The following CRIM1 variants were observed in gnomAD, a reference collection of about 807,000 sequenced individuals.
The protein encoded by CRIM1 is cysteine rich transmembrane BMP regulator 1.
In CRIM1, 32 loss-of-function variants were observed where a neutral mutation model predicts 116.4. That is an observed-to-expected ratio of 0.27 (90% CI 0.21 to 0.37). The LOEUF (loss-of-function observed/expected upper bound fraction) is 0.37, where lower values mean the gene tolerates loss of function less well. Ranked by LOEUF, CRIM1 falls within the 10% of genes least tolerant of loss-of-function variation. The pLI is 1.00. For synonymous variants in CRIM1, 590 were observed against 509.2 expected (o/e 1.16, Z -2.13); for missense variants, 1,331 against 1,354.8 (o/e 0.98, Z 0.28).
intron 1 of CRIM1, among the ~76,000 whole-genome samples, chr2:36,358,950 T>C (rs1035023005): frequency 4.6e-5 from 7 of 152,154 alleles, no homozygotes; most frequent in Non-Finnish European, 8.8e-5. Context: ...GGATAAGTGA[T>C]ACCCCAACCG....
chr2:36,517,574 T>A (rs916514225), intron 12 of CRIM1, 32 bp downstream of exon 12: 2 of 1,590,008 alleles, frequency 1.3e-6, no homozygotes, highest in African/African-American at 2.7e-5. Flanking sequence ...GGGTGCTTGG[T>A]GGGGAAGGAT....
At chr2:36,426,671 A>C (rs183307251) in intron 2 of CRIM1, among the ~76,000 whole-genome samples, 1 of 152,174 alleles carries the variant, frequency 6.6e-6, no homozygotes, top group Non-Finnish European at 1.5e-5. Flanking sequence ...AGAAATTCAC[A>C]TTGAGCCAGT....
At chr2:36,400,360 G>GC (rs985779500) in intron 2 of CRIM1, among the ~76,000 whole-genome samples, 1 of 151,938 alleles carries the variant, frequency 6.6e-6, no homozygotes, top group African/African-American at 2.4e-5. Context: ...AACATCACTG[G>GC]GGGTGGGAGG....
At chr2:36,477,182 CT>C in intron 6 of CRIM1, 111 bp downstream of exon 6, 2 of 821,616 alleles carry the variant, frequency 2.4e-6, no homozygotes, top group Non-Finnish European at 3.7e-6. Context: ...ATTGAAGTTC[CT>C]TTTTTAGCCT....
At chr2:36,520,947 T>C (rs998344888) in intron 12 of CRIM1, among the ~76,000 whole-genome samples, 6 of 152,228 alleles carry the variant, frequency 3.9e-5, no homozygotes, top group African/African-American at 9.6e-5. Flanking sequence ...TGTGTATGCA[T>C]TGAGAAAATG....
chr2:36,544,485 C>T lies in CRIM1; in HGVS notation c.2733C>T (p.Val911=), dbSNP rs771904288. ...CCACGCCTAGTGAAAATGATATCGT[C>T]CATCTCCCTAGAGGTAAGCATTGAA... ...LWPTPSENDI[V]HLPRDMGHLQ... Residue 911 remains valine, a synonymous_variant, in exon 15 of 17, where the codon GTC becomes GTT. Transcript: ENST00000280527. 4 of 1,374,860 alleles carry T rather than the reference C, an allele frequency of 2.9e-6. No homozygotes were observed. The highest frequency in any genetic ancestry group is 2.3e-5 in the South Asian group (1 of 43,604). The allele number at this position is 1,374,860 out of a possible 1,614,324, so 85.2% of individuals were successfully genotyped here.
At chr2:36,445,870 C>G (rs1676203492) in intron 4 of CRIM1, among the ~76,000 whole-genome samples, 1 of 151,806 alleles carries the variant, frequency 6.6e-6, no homozygotes, top group Admixed American at 6.6e-5. Context: ...TGAGCCATGT[C>G]AAATGTCCAC....
chr2:36,542,919 G>A (rs1050655596), intron 14 of CRIM1, among the ~76,000 whole-genome samples: 1 of 151,966 alleles, frequency 6.6e-6, no homozygotes, highest in Non-Finnish European at 1.5e-5. Context: ...AAGCTCTTTG[G>A]GTAATTCTGA....
intron 5 of CRIM1, among the ~76,000 whole-genome samples, chr2:36,471,357 C>G (rs1024901113): frequency 7.2e-5 from 11 of 152,126 alleles, no homozygotes; most frequent in African/African-American, 2.7e-4. Context: ...AGAAATCTTT[C>G]ATGAAAGGAA....
At chr2:36,487,243 G>A (rs1373102008) in intron 7 of CRIM1, among the ~76,000 whole-genome samples, 1 of 152,082 alleles carries the variant, frequency 6.6e-6, no homozygotes, top group Non-Finnish European at 1.5e-5. Flanking sequence ...TATAGCACCT[G>A]ATTACACTTT....
At chr2:36,455,194 C>T (rs1210063795) in intron 4 of CRIM1, among the ~76,000 whole-genome samples, 1 of 151,968 alleles carries the variant, frequency 6.6e-6, no homozygotes, top group Non-Finnish European at 1.5e-5. Flanking sequence ...ACTGAGTCAC[C>T]GAAGTAGAGG....
intron 11 of CRIM1, among the ~76,000 whole-genome samples, chr2:36,517,015 T>C (rs925174787): frequency 1.3e-5 from 2 of 152,230 alleles, no homozygotes; most frequent in Admixed American, 6.5e-5. Flanking sequence ...TTCACAGAAA[T>C]GCCAGAAGAG....
rs567101979 is a variant in CRIM1 at position 36,380,938 on chromosome 2, C to T, written c.332-15676C>T. ...TGCAGTTATGGCCTCTTTTTCCTGC[C>T]TCACCCAAAGGGGTCGAGGAGCTTT... On this transcript the variant is annotated intron_variant, in intron 1 of 16. Coordinates refer to ENST00000280527, the MANE Select transcript of CRIM1 (RefSeq NM_016441.3). 2.4e-4 allele frequency among the ~76,000 whole-genome samples: 37 copies of T among 152,232 alleles called. 1 individual carries two copies. The highest frequency in any genetic ancestry group is 6.5e-4 in the Admixed American group (10 of 15,292).
chr2:36,506,133 GCACA>G lies in CRIM1; in HGVS notation c.1502-3828_1502-3825del, dbSNP rs142839402. On this transcript the variant is annotated intron_variant, in intron 8 of 16. Coordinates refer to ENST00000280527, the MANE Select transcript of CRIM1 (RefSeq NM_016441.3). Reference sequence around the variant, plus strand: ...ACAGGACACCATCCCATTGCAGGGTGCACACACACACACACACACACACACTCTC... The same window carrying G: ...ACAGGACACCATCCCATTGCAGGGTGCACACACACACACACACACACTCTC... Among the ~76,000 whole-genome samples the G allele has an allele frequency of 7.8e-4, 106 of 136,498 alleles. 1 individual carries two copies. The South Asian group carries it at 0.011, about 15-fold the overall frequency. The allele number at this position is 136,498 out of a possible 152,430, so 89.5% of individuals were successfully genotyped here.
At chr2:36,531,515 A>G (rs1666119903) in intron 13 of CRIM1, among the ~76,000 whole-genome samples, 1 of 151,964 alleles carries the variant, frequency 6.6e-6, no homozygotes, top group African/African-American at 2.4e-5. Flanking sequence ...ATCTTTGTAG[A>G]GGAAGAAAAT....
At chr2:36,408,932 T>C (rs1346230486) in intron 2 of CRIM1, among the ~76,000 whole-genome samples, 1 of 152,066 alleles carries the variant, frequency 6.6e-6, no homozygotes, top group Non-Finnish European at 1.5e-5. Flanking sequence ...GAATCTCTAT[T>C]AGACACTGTG....
chr2:36,373,426 G>A (rs1670075536), intron 1 of CRIM1, among the ~76,000 whole-genome samples: 1 of 152,182 alleles, frequency 6.6e-6, no homozygotes, highest in South Asian at 2.1e-4. Flanking sequence ...CAGACAGCTG[G>A]CTTAACCTGA....
At chr2:36,378,214 G>C in intron 1 of CRIM1, 1 of 439,542 alleles carries the variant, frequency 2.3e-6, no homozygotes, top group South Asian at 1.7e-5. Context: ...GTAAGTCGCA[G>C]GTGTTCAGTA....
At position 36,393,528 on chromosome 2, in the gene CRIM1, G is replaced by T. The variant is rs147359385; in HGVS notation, c.332-3086G>T. Among the ~76,000 whole-genome samples, 458 of 152,000 alleles carry T rather than the reference G, an allele frequency of 3.0e-3. 1 individual carries two copies. The highest frequency in any genetic ancestry group is 0.01 in the African/African-American group (425 of 41,432). On this transcript the variant is annotated intron_variant, in intron 1 of 16. Transcript: ENST00000280527. ...CATATATATACATGTGTGTATATATGCATATGTGAGGCTTCTTTGTCTACC... is the reference window on the plus strand; with the variant it reads ...CATATATATACATGTGTGTATATATTCATATGTGAGGCTTCTTTGTCTACC...
Sources: gnomAD v4.1 joint callset for allele counts (sites outside exome capture counted in the v4.1 genomes callset) on GRCh38, gnomAD v4.1.1 for gene constraint, MANE v1.5 for transcripts, NCBI Gene and HGNC (gene_info 2026-07-23, HGNC 2026-07-21) for gene names.